C2orf76: variants seen among roughly 807,000 people sequenced by gnomAD.
The protein encoded by C2orf76 is UPF0538 protein C2orf76.
In C2orf76, 23 loss-of-function variants were observed where a neutral mutation model predicts 16.9. The ratio of observed to expected loss-of-function variants is 1.36; its 90% CI spans 0.98 to 1.93. The LOEUF is 1.93. Among genes scored for constraint, C2orf76 ranks in the 30% most tolerant of loss-of-function variants. The pLI, the probability that C2orf76 is intolerant of heterozygous loss-of-function variation, is 0.00. For synonymous variants in C2orf76, 48 were observed against 52.3 expected (o/e 0.92, Z 0.35); for missense variants, 152 against 152.6 (o/e 1.00, Z 0.02).
chr2:119,301,093 A>G (rs575576932), downstream of C2orf76, among the ~76,000 whole-genome samples: 1 of 141,806 alleles, frequency 7.1e-6, no homozygotes, highest in Admixed American at 6.6e-5. Flanking sequence ...ACACACACAC[A>G]CACACACACA....
chr2:119,289,237 T>G, the C2orf76 span, among the ~76,000 whole-genome samples: 7 of 152,030 alleles, frequency 4.6e-5, no homozygotes, highest in East Asian at 1.4e-3. Context: ...GGAGGTCTCA[T>G]GCAGCCAGAA....
At chr2:119,352,510 G>T (rs1415885403) in intron 1 of C2orf76, among the ~76,000 whole-genome samples, 1 of 152,144 alleles carries the variant, frequency 6.6e-6, no homozygotes, top group East Asian at 1.9e-4. Flanking sequence ...CAAACTTTCA[G>T]CCAATACAGG....
At chr2:119,321,261 G>T (rs762356556) in intron 2 of C2orf76, 57 bp from the exon 3 acceptor site, 2 of 925,890 alleles carry the variant, frequency 2.2e-6, no homozygotes, top group Non-Finnish European at 3.3e-6. Context: ...CATAGAATAT[G>T]CACAGTCTTT....
At chr2:119,354,904 G>A (rs1447854923) in intron 1 of C2orf76, among the ~76,000 whole-genome samples, 1 of 152,198 alleles carries the variant, frequency 6.6e-6, no homozygotes, top group Non-Finnish European at 1.5e-5. Flanking sequence ...GACATTAGCA[G>A]CTGACCTTCC....
chr2:119,353,782 C>T (rs934797350), intron 1 of C2orf76, among the ~76,000 whole-genome samples: 5 of 151,916 alleles, frequency 3.3e-5, no homozygotes, highest in Non-Finnish European at 2.9e-5. Context: ...AGGCTAGTCT[C>T]GAACTCCTGA....
At chr2:119,315,458 G>A (rs1573630483) in intron 4 of C2orf76, among the ~76,000 whole-genome samples, 3 of 152,180 alleles carry the variant, frequency 2.0e-5, no homozygotes, top group Non-Finnish European at 4.4e-5. Flanking sequence ...AGCCAGCAAT[G>A]CCACAGGCCC....
chr2:119,367,111 G>T (rs748296210), upstream of C2orf76: 9 of 1,610,608 alleles, frequency 5.6e-6, no homozygotes, highest in Middle Eastern at 1.7e-4. Flanking sequence ...CGGGAGGCCC[G>T]TTGGGGGCTC....
At chr2:119,300,380 G>A (rs988611407), downstream of C2orf76, among the ~76,000 whole-genome samples, 1 of 152,080 alleles carries the variant, frequency 6.6e-6, no homozygotes, top group South Asian at 2.1e-4. Flanking sequence ...GGACATTGCT[G>A]ACAAAGCTCA....
At chr2:119,292,416 C>T in the C2orf76 span, among the ~76,000 whole-genome samples, 4 of 152,186 alleles carry the variant, frequency 2.6e-5, no homozygotes, top group African/African-American at 9.6e-5. Context: ...GGACCGCCTC[C>T]GGGCATACGC....
Position 119,352,311 on chromosome 2 carries a change from G to A in C2orf76, c.-12-12340C>T, listed in dbSNP as rs1680432187. 2.0e-5 allele frequency among the ~76,000 whole-genome samples: 3 copies of A among 152,148 alleles called. 1 individual carries two copies. Among genetic ancestry groups the A allele is most frequent in the Admixed American group, 2.0e-4 (3 of 15,264 alleles). ...ATATATCAACTTTGCTTTAAAGTTTGTCTTATCCAAATGAAAAAGGTACAA... is the reference window on the plus strand; with the variant it reads ...ATATATCAACTTTGCTTTAAAGTTTATCTTATCCAAATGAAAAAGGTACAA... On this transcript the variant is annotated intron_variant, in intron 1 of 5. Coordinates refer to ENST00000334816, the MANE Select transcript of C2orf76 (RefSeq NM_001322331.2).
intron 1 of C2orf76, among the ~76,000 whole-genome samples, chr2:119,359,048 A>T (rs984150354): frequency 2.0e-5 from 3 of 152,204 alleles, no homozygotes; most frequent in African/African-American, 4.8e-5. Flanking sequence ...GGGTTAAGGC[A>T]GCTGGTGACT....
intron 1 of C2orf76, among the ~76,000 whole-genome samples, chr2:119,357,377 T>G (rs530254935): frequency 7.3e-4 from 111 of 152,164 alleles, no homozygotes; most frequent in Non-Finnish European, 1.2e-3. Context: ...AGTGGTTTTT[T>G]CCAGAGAAGC....
chr2:119,323,035 T>C (rs1331945999), intron 2 of C2orf76, among the ~76,000 whole-genome samples: 1 of 152,136 alleles, frequency 6.6e-6, no homozygotes, highest in Non-Finnish European at 1.5e-5. Context: ...TGAAGGTTTT[T>C]GAGACAGGGT....
intron 5 of C2orf76, among the ~76,000 whole-genome samples, chr2:119,303,798 C>T (rs1374623784): frequency 1.3e-5 from 2 of 152,180 alleles, no homozygotes; most frequent in Non-Finnish European, 2.9e-5. Context: ...GTCACAGATC[C>T]TCATTCCAGT....
Position 119,325,996 on chromosome 2 carries a change from G to C in C2orf76, c.134-4792C>G, listed in dbSNP as rs553532154. Reference sequence around the variant, plus strand: ...AATAGTTCCTAATAGTTCCTTGTTGGATGTATGTTTTACAAATATCTTCTC... The same window carrying C: ...AATAGTTCCTAATAGTTCCTTGTTGCATGTATGTTTTACAAATATCTTCTC... On this transcript the variant is annotated intron_variant, in intron 2 of 5. Transcript: ENST00000334816. Among the ~76,000 whole-genome samples, 6 of 152,186 alleles carry C rather than the reference G, an allele frequency of 3.9e-5. No homozygotes were observed. The South Asian group carries it at 1.2e-3, about 32-fold the overall frequency.
intron 2 of C2orf76, 141 bp downstream of exon 2, chr2:119,339,686 C>T (rs980955895): frequency 1.2e-6 from 1 of 814,224 alleles, no homozygotes. Context: ...GGGCCCAGAA[C>T]CGGGGCTCGC....
chr2:119,302,664 G>A, intron 5 of C2orf76, 116 bp from the exon 6 acceptor site: 1 of 478,720 alleles, frequency 2.1e-6, no homozygotes, highest in Non-Finnish European at 3.6e-6. Context: ...GATGCCCAAA[G>A]TGAAAAAGAT....
chr2:119,332,233 G>C, intron 2 of C2orf76, among the ~76,000 whole-genome samples: 1 of 151,910 alleles, frequency 6.6e-6, no homozygotes, highest in South Asian at 2.1e-4. Context: ...CTTATTATTG[G>C]ATGCTGGATC....
the C2orf76 span, among the ~76,000 whole-genome samples, chr2:119,296,228 A>C: frequency 6.6e-6 from 1 of 152,180 alleles, no homozygotes; most frequent in African/African-American, 2.4e-5. Context: ...TGCAGACAGA[A>C]AGGCCCACTG....
Sources: gnomAD v4.1 joint callset for allele counts (sites outside exome capture counted in the v4.1 genomes callset) on GRCh38, gnomAD v4.1.1 for gene constraint, MANE v1.5 for transcripts, NCBI Gene and HGNC (gene_info 2026-07-23, HGNC 2026-07-21) for gene names.